Variants in MYO1E observed in about 807,000 individuals in gnomAD.
MYO1E encodes the protein unconventional myosin-Ie.
A neutral mutation model predicts 151.1 loss-of-function variants in MYO1E; 68 were observed. That is an observed-to-expected ratio of 0.45 (90% CI 0.37 to 0.55). MYO1E has a LOEUF of 0.55. Ranked by LOEUF, MYO1E falls within the 20% of genes least tolerant of loss-of-function variation. MYO1E has a pLI of 0.00. For missense variants in MYO1E, 1,363 were observed against 1,389.3 expected (o/e 0.98, Z 0.30); for synonymous variants, 601 against 501.7 (o/e 1.20, Z -2.64).
intron 1 of MYO1E, among the ~76,000 whole-genome samples, chr15:59,323,005 CAAA>C (rs10569331): frequency 8.3e-4 from 107 of 129,598 alleles, no homozygotes; most frequent in African/African-American, 2.3e-3. Context: ...ACTAAAAATA[CAAA>C]AAAAAAAAAA....
chr15:59,214,319 A>AAAAAAAAAGTTATTCACATG lies in MYO1E; in HGVS notation c.1189-25_1189-6dup. On this transcript the variant is annotated splice_region_variant and splice_polypyrimidine_tract_variant and intron_variant, in intron 11 of 27. Transcript: ENST00000288235. ...AAACTGTTCAAAGCCATTTTTCTGG[A>AAAAAAAAAGTTATTCACATG]AAAAAAAAGTTATTCACATGTAATT... 1.3e-6 allele frequency: 2 copies of AAAAAAAAAGTTATTCACATG among 1,575,242 alleles called. No homozygotes were observed. Among genetic ancestry groups the AAAAAAAAAGTTATTCACATG allele is most frequent in the Non-Finnish European group, 1.7e-6 (2 of 1,149,806 alleles).
intron 1 of MYO1E, among the ~76,000 whole-genome samples, 160 bp downstream of exon 1, chr15:59,372,338 A>G (rs2080951685): frequency 6.6e-6 from 1 of 152,166 alleles, no homozygotes; most frequent in Middle Eastern, 3.4e-3. Context: ...GCCCGGGTTT[A>G]CGGAAAGCGG....
Position 59,372,486 on chromosome 15 carries a change from CG to C in MYO1E, c.3+11del. On this transcript the variant is annotated intron_variant, in intron 1 of 27. Coordinates refer to ENST00000288235, the MANE Select transcript of MYO1E (RefSeq NM_004998.4). ...GGGTCCGGCGTCCTAGGACGCGGCG[CG>C]GCCAACTCACCATGGTGACTCGCGC... The C allele has an allele frequency of 6.5e-7, 1 of 1,539,036 alleles. No individual in the cohort carries two copies. The highest frequency in any genetic ancestry group is 1.2e-5 in the South Asian group (1 of 83,698).
At chr15:59,211,982 CACA>C (rs1198779103) in intron 12 of MYO1E, among the ~76,000 whole-genome samples, 2 of 152,202 alleles carry the variant, frequency 1.3e-5, no homozygotes, top group Admixed American at 1.3e-4. Flanking sequence ...CTTTCAAAAA[CACA>C]ACAAATCACA....
At position 59,272,342 on chromosome 15, in the gene MYO1E, C is replaced by A; in HGVS notation, c.111G>T (p.Glu37Asp). The change falls in exon 2 of 28, where the codon GAG (glutamate) becomes GAT (aspartate). Residue 37 changes from glutamate to aspartate, a missense_variant. Coordinates refer to ENST00000288235, the MANE Select transcript of MYO1E (RefSeq NM_004998.4). ...CATCCATGTATCTCTTCTTCAGATT[C>A]TCCACGATGGAGTTCTCTGTGATCT... The part of the protein sequence containing the change: ...LSKITENSIV[E>D]NLKKRYMDDY... 1.2e-6 allele frequency: 2 copies of A among 1,614,144 alleles called. No individual in the cohort carries two copies. The highest frequency in any genetic ancestry group is 1.7e-6 in the Non-Finnish European group (2 of 1,179,990).
chr15:59,208,931 A>T (rs2079859087), intron 13 of MYO1E, 83 bp from the exon 14 acceptor site: 2 of 1,511,260 alleles, frequency 1.3e-6, no homozygotes, highest in Admixed American at 3.5e-5. Flanking sequence ...TTAGGCAAGG[A>T]AACAGCTCCC....
intron 14 of MYO1E, among the ~76,000 whole-genome samples, chr15:59,206,478 T>A (rs2079834797): frequency 6.6e-6 from 1 of 152,110 alleles, no homozygotes; most frequent in Non-Finnish European, 1.5e-5. Context: ...AGGCGCCCAA[T>A]TCTGGGACAC....
chr15:59,136,594 A>C lies in MYO1E; in HGVS notation c.*786T>G. ...ACTTAGTACATTCATACATGTTTCT[A>C]CCATCTCAAGATTTTTATATATACA... On this transcript the variant is annotated 3_prime_UTR_variant, in exon 28 of 28. Coordinates refer to ENST00000288235, the MANE Select transcript of MYO1E (RefSeq NM_004998.4). 2.4e-6 allele frequency: 1 copy of C among 410,198 alleles called. No individual in the cohort carries two copies. Among genetic ancestry groups the C allele is most frequent in the Non-Finnish European group, 4.9e-6 (1 of 202,572 alleles). 25.4% of individuals were successfully genotyped at this position (410,198 alleles called of 1,614,324 possible). A position where few individuals can be genotyped will look rare whatever the true frequency, so the allele number is the denominator to read the frequency against.
At position 59,134,689 on chromosome 15, in the gene MYO1E, T is replaced by C. The variant is rs1472659691; in HGVS notation, c.*2691A>G. 2.0e-5 allele frequency: 3 copies of C among 152,228 alleles called. No individual in the cohort carries two copies. Among genetic ancestry groups the C allele is most frequent in the Admixed American group, 6.5e-5 (1 of 15,286 alleles). 9.4% of individuals were successfully genotyped at this position (152,228 alleles called of 1,614,324 possible). On this transcript the variant is annotated 3_prime_UTR_variant, in exon 28 of 28. Coordinates refer to ENST00000288235, the MANE Select transcript of MYO1E (RefSeq NM_004998.4). Reference sequence around the variant, plus strand: ...CACATTTTTATACTGTGTTTGATACTGCTATACACGTTGCTGTGTGTGCAC... The same window carrying C: ...CACATTTTTATACTGTGTTTGATACCGCTATACACGTTGCTGTGTGTGCAC...
intron 6 of MYO1E, among the ~76,000 whole-genome samples, chr15:59,231,407 G>T (rs557159327): frequency 3.3e-4 from 50 of 152,234 alleles, no homozygotes; most frequent in African/African-American, 1.2e-3. Context: ...TTTCTCTAGG[G>T]CATAAAGACA....
At chr15:59,153,902 T>A in intron 25 of MYO1E, 111 bp from the exon 26 acceptor site, 1 of 1,022,256 alleles carries the variant, frequency 9.8e-7, no homozygotes, top group Non-Finnish European at 1.5e-6. Flanking sequence ...AACTTCTGAG[T>A]CTCAATTTCC....
At chr15:59,142,699 C>T (rs1449863440) in intron 26 of MYO1E, among the ~76,000 whole-genome samples, 1 of 152,162 alleles carries the variant, frequency 6.6e-6, no homozygotes, top group African/African-American at 2.4e-5. Context: ...GCTCACACCC[C>T]AGCCTTACTC....
chr15:59,170,217 T>G (rs1340994412), intron 22 of MYO1E, among the ~76,000 whole-genome samples: 1 of 152,052 alleles, frequency 6.6e-6, no homozygotes, highest in African/African-American at 2.4e-5. Context: ...TCAATTAGGA[T>G]AATTTATGGT....
At chr15:59,145,838 A>G (rs1257553922) in intron 26 of MYO1E, among the ~76,000 whole-genome samples, 1 of 152,186 alleles carries the variant, frequency 6.6e-6, no homozygotes, top group East Asian at 1.9e-4. Flanking sequence ...ATTGGCCATG[A>G]AGAGAGAATT....
intron 26 of MYO1E, among the ~76,000 whole-genome samples, chr15:59,143,310 G>A (rs2079421975): frequency 6.6e-6 from 1 of 152,218 alleles, no homozygotes; most frequent in African/African-American, 2.4e-5. Flanking sequence ...TGAGATGGGT[G>A]TGGATAGTGG....
chr15:59,371,925 G>C (rs2080947892), intron 1 of MYO1E, among the ~76,000 whole-genome samples: 2 of 150,608 alleles, frequency 1.3e-5, no homozygotes, highest in South Asian at 2.1e-4. Flanking sequence ...GCCTTTGTGC[G>C]GCCCGCGCCG....
chr15:59,337,360 T>C (rs758801325), intron 1 of MYO1E, among the ~76,000 whole-genome samples: 2 of 152,234 alleles, frequency 1.3e-5, no homozygotes, highest in Non-Finnish European at 2.9e-5. Flanking sequence ...GTGTTATCCA[T>C]ATCTACAACT....
chr15:59,336,767 C>G (rs1196071332), intron 1 of MYO1E, among the ~76,000 whole-genome samples: 1 of 151,438 alleles, frequency 6.6e-6, no homozygotes, highest in African/African-American at 2.4e-5. Flanking sequence ...CTGACAGGCC[C>G]CAGTGTGTGA....
intron 1 of MYO1E, among the ~76,000 whole-genome samples, chr15:59,324,246 A>G (rs2080647744): frequency 6.6e-6 from 1 of 152,244 alleles, no homozygotes; most frequent in African/African-American, 2.4e-5. Flanking sequence ...TAGGTCTGCA[A>G]GCATCCAAAA....
Sources: allele counts gnomAD v4.1 joint callset (sites outside exome capture counted in the v4.1 genomes callset), GRCh38; gene constraint gnomAD v4.1.1; transcripts MANE v1.5; gene names NCBI Gene and HGNC (gene_info 2026-07-23, HGNC 2026-07-21).